The following PCDHGB4 variants were observed in gnomAD, a reference collection of about 807,000 sequenced individuals.
The protein encoded by PCDHGB4 is protocadherin gamma-B4.
In PCDHGB4, 38 loss-of-function variants were observed where a neutral mutation model predicts 60.5. That is an observed-to-expected ratio of 0.63 (90% CI 0.48 to 0.82). The LOEUF (loss-of-function observed/expected upper bound fraction) is 0.82. Ranked by LOEUF, PCDHGB4 falls within the 40% of genes least tolerant of loss-of-function variation. The probability of loss-of-function intolerance (pLI) is 0.00; values close to 1 mark genes in which losing one functional copy is unlikely to be tolerated. For synonymous variants in PCDHGB4, 456 were observed against 509.7 expected (o/e 0.89, Z 1.42); for missense variants, 1,109 against 1,209.6 (o/e 0.92, Z 1.23).
At chr5:141,467,939 A>G (rs2099154812) in intron 1 of PCDHGB4, among the ~76,000 whole-genome samples, 2 of 152,190 alleles carry the variant, frequency 1.3e-5, no homozygotes, top group Admixed American at 6.5e-5. Context: ...GATTACAAGC[A>G]TGAGCCACCA....
intron 1 of PCDHGB4, among the ~76,000 whole-genome samples, chr5:141,456,572 C>T (rs958661783): frequency 6.6e-6 from 1 of 152,168 alleles, no homozygotes; most frequent in Non-Finnish European, 1.5e-5. Flanking sequence ...CCACATTTTC[C>T]CTGAGCCTGT....
intron 1 of PCDHGB4, among the ~76,000 whole-genome samples, chr5:141,438,296 A>G (rs902991313): frequency 6.6e-6 from 1 of 152,034 alleles, no homozygotes; most frequent in Non-Finnish European, 1.5e-5. Context: ...CTGTATGTAA[A>G]AGAAGTTGGT....
In PCDHGB4 at chr5:141,432,272, G is replaced by A. The variant is rs772255343; in HGVS notation, c.2397+41991G>A. On this transcript the variant is annotated intron_variant, in intron 1 of 3. Transcript: ENST00000519479. The surrounding 1 kb of genome is among the most constrained non-coding windows in gnomAD (Gnocchi z 6.0). ...CCAAGGGGCAAGCCTATCGTCCTAC[G>A]TGTCCATCAACTCCGACACTGGGGT... 1 of 1,614,210 alleles carries A rather than the reference G, an allele frequency of 6.2e-7. No individual in the cohort carries two copies. Among genetic ancestry groups the A allele is most frequent in the South Asian group, 1.1e-5 (1 of 91,086 alleles).
chr5:141,478,977 T>G (rs1004184325), intron 1 of PCDHGB4, among the ~76,000 whole-genome samples: 12 of 152,210 alleles, frequency 7.9e-5, no homozygotes, highest in Admixed American at 5.2e-4. Flanking sequence ...TTCAAGTGAT[T>G]GTGACATTTG....
chr5:141,430,315 T>C (rs185896854), intron 1 of PCDHGB4, among the ~76,000 whole-genome samples: 58 of 151,980 alleles, frequency 3.8e-4, no homozygotes, highest in African/African-American at 1.3e-3. Context: ...CATTATAAGA[T>C]TAAAATCATT....
chr5:141,477,262 C>A lies in PCDHGB4; in HGVS notation c.2398-17545C>A, dbSNP rs60063068. 1.2e-5 allele frequency: 19 copies of A among 1,614,020 alleles called. No homozygotes were observed. The East Asian group carries it at 4.2e-4, about 36-fold the overall frequency. On this transcript the variant is annotated intron_variant, in intron 1 of 3. Transcript: ENST00000519479. This position sits in a 1 kb window ranked among gnomAD's most constrained non-coding sequence, Gnocchi z 4.9. ...TCAGTGTGACTGACCTGGATGCTGG[C>A]GAGAACGGGCTGGTGACCTGCGAAG...
chr5:141,421,233 G>T (rs201076931), intron 1 of PCDHGB4: 2 of 1,592,240 alleles, frequency 1.3e-6, no homozygotes, highest in Non-Finnish European at 1.7e-6. Flanking sequence ...CTGCCATGGC[G>T]AATCGGCTAC....
At position 141,487,116 on chromosome 5, in the gene PCDHGB4, A is replaced by G. The variant is rs749256818; in HGVS notation, c.2398-7691A>G. On this transcript the variant is annotated intron_variant, in intron 1 of 3. Transcript: ENST00000519479. This position sits in a 1 kb window ranked among gnomAD's most constrained non-coding sequence, Gnocchi z 5.0. ...CCACAGAAGCTGGTCATTGTGGTAA[A>G]GGATAGTGGTAGTCCACCACTCTCT... The G allele has an allele frequency of 3.1e-6, 5 of 1,614,022 alleles. No individual in the cohort carries two copies.
rs748017565 is a variant in PCDHGB4 at position 141,477,404 on chromosome 5, C to G, written c.2398-17403C>G. ...AGAATACAACCTCAGCATCACCGCCCGAGACGCCGGAACCCCTTCCCTCTC... is the reference window on the plus strand; with the variant it reads ...AGAATACAACCTCAGCATCACCGCCGGAGACGCCGGAACCCCTTCCCTCTC... On this transcript the variant is annotated intron_variant, in intron 1 of 3. Coordinates refer to ENST00000519479, the MANE Select transcript of PCDHGB4 (RefSeq NM_003736.4). The surrounding 1 kb of genome is among the most constrained non-coding windows in gnomAD (Gnocchi z 4.9). The G allele has an allele frequency of 1.9e-6, 3 of 1,614,042 alleles. No homozygotes were observed. Among genetic ancestry groups the G allele is most frequent in the African/African-American group, 1.3e-5 (1 of 74,902 alleles).
chr5:141,485,586 TG>T lies in PCDHGB4; in HGVS notation c.2398-9219del. The T allele has an allele frequency of 6.2e-7, 1 of 1,612,402 alleles. No homozygotes were observed. Among genetic ancestry groups the T allele is most frequent in the Non-Finnish European group, 8.5e-7 (1 of 1,178,600 alleles). Reference sequence around the variant, plus strand: ...GCCCCCCGTTTTCCGCGGCAGCAGCTGGACTTGGAAATTGGGGAGGCAGCTC... The same window carrying T: ...GCCCCCCGTTTTCCGCGGCAGCAGCTGACTTGGAAATTGGGGAGGCAGCTC... On this transcript the variant is annotated intron_variant, in intron 1 of 3. Coordinates refer to ENST00000519479, the MANE Select transcript of PCDHGB4 (RefSeq NM_003736.4). The surrounding 1 kb of genome is among the most constrained non-coding windows in gnomAD (Gnocchi z 5.7).
At position 141,510,993 on chromosome 5, in the gene PCDHGB4, G is replaced by A. The variant is rs1457918073; in HGVS notation, c.2592G>A (p.Met864Ile). The A allele has an allele frequency of 4.3e-6, 7 of 1,614,046 alleles. No homozygotes were observed. Among genetic ancestry groups the A allele is most frequent in the African/African-American group, 1.3e-5 (1 of 74,906 alleles). ...CCCTGGGAGGGGGTGCCGGCACCAT[G>A]GGATTGAGCGCCCGCTACGGACCCC... ...SSTLGGGAGT[M>I]GLSARYGPQF... The change falls in exon 4 of 4, where the codon ATG (methionine) becomes ATA (isoleucine). Residue 864 changes from methionine to isoleucine, a missense_variant. Transcript: ENST00000519479.
At position 141,454,796 on chromosome 5, in the gene PCDHGB4, ATTT is replaced by A. The variant is rs61612330; in HGVS notation, c.2398-39984_2398-39982del. On this transcript the variant is annotated intron_variant, in intron 1 of 3. Coordinates refer to ENST00000519479, the MANE Select transcript of PCDHGB4 (RefSeq NM_003736.4). ...AAGGAAATAATCCTCCATGGTTCTA[ATTT>A]TTTTTTTTTTTTTTTTTTTTTTTTT... is the stretch of plus-strand genomic sequence containing the variant. 8.4e-3 allele frequency among the ~76,000 whole-genome samples: 651 copies of A among 77,268 alleles called. 2 individuals are homozygous for A. Among genetic ancestry groups the A allele is most frequent in the African/African-American group, 0.012 (206 of 16,834 alleles). The allele number at this position is 77,268 out of a possible 152,430, so 50.7% of individuals were successfully genotyped here. A position where few individuals can be genotyped will look rare whatever the true frequency, so the allele number is the denominator to read the frequency against.
At chr5:141,478,063 A>G in intron 1 of PCDHGB4, 1 of 1,614,168 alleles carries the variant, frequency 6.2e-7, no homozygotes, top group Non-Finnish European at 8.5e-7. Context: ...TCTTGATCAA[A>G]GACAATGGGG....
chr5:141,410,063 C>A lies in PCDHGB4; in HGVS notation c.2397+19782C>A. 1.9e-6 allele frequency: 3 copies of A among 1,612,972 alleles called. No homozygotes were observed. The South Asian group carries it at 3.3e-5, about 18-fold the overall frequency. On this transcript the variant is annotated intron_variant, in intron 1 of 3. Coordinates refer to ENST00000519479, the MANE Select transcript of PCDHGB4 (RefSeq NM_003736.4). ...TGAGCCCGGACTCTTCAGCCTGGGG[C>A]TGCGCACTGGGGAGGTGCGCACGGC...
In PCDHGB4 at chr5:141,432,518, C is replaced by T. The variant is rs1314948517; in HGVS notation, c.2397+42237C>T. 6.2e-7 allele frequency: 1 copy of T among 1,614,126 alleles called. No homozygotes were observed. The highest frequency in any genetic ancestry group is 8.5e-7 in the Non-Finnish European group (1 of 1,180,024). On this transcript the variant is annotated intron_variant, in intron 1 of 3. Coordinates refer to ENST00000519479, the MANE Select transcript of PCDHGB4 (RefSeq NM_003736.4). This position sits in a 1 kb window ranked among gnomAD's most constrained non-coding sequence, Gnocchi z 6.0. The stretch of plus-strand genomic sequence containing the variant: ...TCCCCGCTCCGCAGAGCCCGGCTAC[C>T]TGGTGACCAAGGTGGTGGCGGTGGA...
intron 1 of PCDHGB4, chr5:141,410,849 CTT>C (rs759346998): frequency 0.032 from 4,298 of 136,266 alleles, no homozygotes; most frequent in South Asian, 0.069. Flanking sequence ...TTGTCTTTGT[CTT>C]TTTTTTTTTT....
intron 1 of PCDHGB4, chr5:141,421,951 A>G: frequency 6.2e-7 from 1 of 1,612,854 alleles, no homozygotes; most frequent in Non-Finnish European, 8.5e-7. Flanking sequence ...TCACATCCCA[A>G]TGTTTACACA....
Position 141,491,713 on chromosome 5 carries a change from G to T in PCDHGB4, c.2398-3094G>T. The T allele has an allele frequency of 6.2e-7, 1 of 1,609,174 alleles. No individual in the cohort carries two copies. The highest frequency in any genetic ancestry group is 8.5e-7 in the Non-Finnish European group (1 of 1,178,054). On this transcript the variant is annotated intron_variant, in intron 1 of 3. Transcript: ENST00000519479. The surrounding 1 kb of genome is among the most constrained non-coding windows in gnomAD (Gnocchi z 6.9). ...GGAGCGGAGCCAGGTGAGGGGCTCG[G>T]CGCCGCCCCGGGCGACCCCTGGGGG...
At chr5:141,455,842 C>T (rs1224197325) in intron 1 of PCDHGB4, among the ~76,000 whole-genome samples, 1 of 150,876 alleles carries the variant, frequency 6.6e-6, no homozygotes, top group Non-Finnish European at 1.5e-5. Context: ...TGTCTATCTG[C>T]ATAAAATAAT....
Sources: allele counts gnomAD v4.1 joint callset (sites outside exome capture counted in the v4.1 genomes callset), GRCh38; gene constraint gnomAD v4.1.1; non-coding constraint Gnocchi (gnomAD v3.1); transcripts MANE v1.5; gene names NCBI Gene and HGNC (gene_info 2026-07-23, HGNC 2026-07-21).